TBC1D19: variants seen among roughly 807,000 people sequenced by gnomAD.
TBC1D19 encodes TBC1 domain family member 19, also known as TBC1 domain family, member 19.
TBC1D19 carries 60 observed loss-of-function variants against 89.0 expected under a neutral mutation model. The ratio of observed to expected loss-of-function variants is 0.67; its 90% confidence interval spans 0.55 to 0.84. The LOEUF is 0.84. Among genes scored for constraint, TBC1D19 ranks in the 40% least tolerant of loss-of-function variants. The probability of loss-of-function intolerance (pLI) is 0.00; values close to 1 mark genes in which losing one functional copy is unlikely to be tolerated. For synonymous variants in TBC1D19, 189 were observed against 199.7 expected (o/e 0.95, Z 0.45); for missense variants, 500 against 610.8 (o/e 0.82, Z 1.91).
chr4:26,585,058 G>A (rs1167201609), intron 1 of TBC1D19: 2 of 276,224 alleles, frequency 7.2e-6, no homozygotes, highest in Non-Finnish European at 1.5e-5. Context: ...AAGGGCATTG[G>A]GTTGCTTTCT....
the TBC1D19 span, among the ~76,000 whole-genome samples, chr4:26,790,752 T>C: frequency 6.6e-6 from 1 of 152,218 alleles, no homozygotes; most frequent in Non-Finnish European, 1.5e-5. Context: ...TTTCCTATGT[T>C]TCTTGAAGAA....
the TBC1D19 span, among the ~76,000 whole-genome samples, chr4:26,855,739 T>C: frequency 6.6e-6 from 1 of 152,362 alleles, no homozygotes; most frequent in Non-Finnish European, 1.5e-5. Flanking sequence ...GTGTTTTGTA[T>C]ACTTTAAGAT....
intron 11 of TBC1D19, among the ~76,000 whole-genome samples, chr4:26,678,342 G>A (rs1254487575): frequency 6.6e-6 from 1 of 152,138 alleles, no homozygotes; most frequent in Non-Finnish European, 1.5e-5. Flanking sequence ...AATTATTTTA[G>A]GAGGTTTGTT....
the TBC1D19 span, among the ~76,000 whole-genome samples, chr4:26,848,427 A>T: frequency 2.6e-5 from 4 of 152,250 alleles, no homozygotes; most frequent in African/African-American, 9.6e-5. Context: ...TGCTTACTGC[A>T]CTTTTGCTCC....
At chr4:26,673,474 C>CACACACACACACAA (rs371830256) in intron 10 of TBC1D19, among the ~76,000 whole-genome samples, 8 of 147,890 alleles carry the variant, frequency 5.4e-5, no homozygotes, top group African/African-American at 1.7e-4. Flanking sequence ...CACACACACA[C>CACACACACACACAA]AATACTAGTT....
the TBC1D19 span, among the ~76,000 whole-genome samples, chr4:26,782,175 A>T: frequency 6.6e-6 from 1 of 152,304 alleles, no homozygotes; most frequent in East Asian, 1.9e-4. Flanking sequence ...ACTCCCCCCA[A>T]CCCAAAATTT....
the TBC1D19 span, among the ~76,000 whole-genome samples, chr4:26,793,034 C>A: frequency 0.021 from 3,191 of 152,250 alleles, 126 homozygotes; most frequent in African/African-American, 0.073. Context: ...TACTTTTTCC[C>A]CCCTGATATT....
chr4:26,628,794 A>G (rs1312534573), intron 4 of TBC1D19, among the ~76,000 whole-genome samples: 1 of 151,906 alleles, frequency 6.6e-6, no homozygotes, highest in African/African-American at 2.4e-5. Context: ...TAGGAATCCA[A>G]CTTACAAGGG....
chr4:26,720,309 A>G (rs904982102), intron 15 of TBC1D19, among the ~76,000 whole-genome samples, 184 bp downstream of exon 15: 5 of 152,116 alleles, frequency 3.3e-5, no homozygotes, highest in African/African-American at 1.2e-4. Flanking sequence ...AATTATGCAT[A>G]CTCTCTCTGA....
chr4:26,649,629 A>G (rs993624591), intron 7 of TBC1D19, among the ~76,000 whole-genome samples: 2 of 152,158 alleles, frequency 1.3e-5, no homozygotes, highest in African/African-American at 4.8e-5. Context: ...TGTTTATTGT[A>G]TAACCAATGA....
the TBC1D19 span, among the ~76,000 whole-genome samples, chr4:26,850,538 C>T: frequency 4.6e-5 from 1 of 21,510 alleles, no homozygotes; most frequent in Non-Finnish European, 7.7e-5. Flanking sequence ...GAGACCCTGT[C>T]TCAAAAAAAA....
chr4:26,646,641 C>T (rs898633829), intron 7 of TBC1D19, among the ~76,000 whole-genome samples: 3 of 152,158 alleles, frequency 2.0e-5, no homozygotes, highest in African/African-American at 7.2e-5. Flanking sequence ...AGTTCATGTC[C>T]TTTATAGCAA....
chr4:26,718,787 T>G (rs1716802917), intron 14 of TBC1D19, among the ~76,000 whole-genome samples: 1 of 152,108 alleles, frequency 6.6e-6, no homozygotes, highest in South Asian at 2.1e-4. Flanking sequence ...TTTGTTTGTT[T>G]CTTTAAGTCT....
chr4:26,785,848 T>C, the TBC1D19 span, among the ~76,000 whole-genome samples: 1 of 152,190 alleles, frequency 6.6e-6, no homozygotes, highest in Admixed American at 6.5e-5. Context: ...TTTTTAGAAA[T>C]ACCACTTTGG....
At chr4:26,840,527 A>G in the TBC1D19 span, among the ~76,000 whole-genome samples, 7 of 151,942 alleles carry the variant, frequency 4.6e-5, no homozygotes, top group Non-Finnish European at 1.5e-5. Context: ...GGTTCTGCCT[A>G]TTTGTTTCTG....
the TBC1D19 span, among the ~76,000 whole-genome samples, chr4:26,824,283 G>A: frequency 1.1e-4 from 17 of 152,318 alleles, 1 homozygote; most frequent in Non-Finnish European, 2.2e-4. Context: ...CAGCCATGCC[G>A]GAAGCATGTG....
At chr4:26,586,079 G>C (rs976447929) in intron 1 of TBC1D19, among the ~76,000 whole-genome samples, 4 of 149,366 alleles carry the variant, frequency 2.7e-5, no homozygotes, top group African/African-American at 4.9e-5. Context: ...TATAGTTTTA[G>C]CTTCTACATT....
intron 8 of TBC1D19, among the ~76,000 whole-genome samples, chr4:26,661,596 A>T (rs1156371308): frequency 6.6e-6 from 1 of 152,190 alleles, no homozygotes; most frequent in Non-Finnish European, 1.5e-5. Flanking sequence ...GCAAAACCAA[A>T]CAACAACAAC....
chr4:26,600,505 A>G (rs1279326450), intron 1 of TBC1D19, among the ~76,000 whole-genome samples: 2 of 152,236 alleles, frequency 1.3e-5, no homozygotes, highest in African/African-American at 4.8e-5. Context: ...TGCATTGTTT[A>G]TAGAAGGTCA....
Sources: allele counts gnomAD v4.1 joint callset (sites outside exome capture counted in the v4.1 genomes callset), GRCh38; gene constraint gnomAD v4.1.1; transcripts MANE v1.5; gene names NCBI Gene and HGNC (gene_info 2026-07-23, HGNC 2026-07-21).